Variants in TIPRL observed in about 807,000 individuals in gnomAD.
TIPRL encodes TOR signaling pathway regulator, also known as TIP41-like protein.
Under a neutral mutation model 32.3 loss-of-function variants are expected in TIPRL, and 10 were observed. That is an observed-to-expected ratio of 0.31 (90% CI 0.19 to 0.52). The LOEUF is 0.52. Ranked by LOEUF, TIPRL falls within the 20% of genes least tolerant of loss-of-function variation. The probability of loss-of-function intolerance (pLI) is 0.96; values close to 1 mark genes in which losing one functional copy is unlikely to be tolerated. For synonymous variants in TIPRL, 100 were observed against 114.0 expected (o/e 0.88, Z 0.78); for missense variants, 250 against 328.1 (o/e 0.76, Z 1.84).
At chr1:168,180,174 AAG>A (rs142067849) in intron 1 of TIPRL, among the ~76,000 whole-genome samples, 2,185 of 152,260 alleles carry the variant, frequency 0.014, 41 homozygotes, top group African/African-American at 0.05. Flanking sequence ...ACCAGTTAGT[AAG>A]AGAAAAGATA....
At chr1:168,199,045 T>A in intron 6 of TIPRL, 64 bp downstream of exon 6, 1 of 1,318,132 alleles carries the variant, frequency 7.6e-7, no homozygotes, top group Non-Finnish European at 1.1e-6. Context: ...TTAAGTAGCA[T>A]ATACCCCTGA....
rs564073915 is a variant in TIPRL at position 168,178,990 on chromosome 1, T to A, written c.-88T>A. The A allele has an allele frequency of 1.6e-6, 2 of 1,231,228 alleles. No individual in the cohort carries two copies. The allele number at this position is 1,231,228 out of a possible 1,614,324, so 76.3% of individuals were successfully genotyped here. A position where few individuals can be genotyped will look rare whatever the true frequency, so the allele number is the denominator to read the frequency against. Reference sequence around the variant, plus strand: ...GTAACGGCTCGGAAGCCTAGGAGGCTGGGCCGGAGGGAGGCGGAGGAACCG... The same window carrying A: ...GTAACGGCTCGGAAGCCTAGGAGGCAGGGCCGGAGGGAGGCGGAGGAACCG... On this transcript the variant is annotated 5_prime_UTR_variant, in exon 1 of 7. Coordinates refer to ENST00000367833, the MANE Select transcript of TIPRL (RefSeq NM_152902.5).
chr1:168,180,428 A>G (rs1376557289), intron 1 of TIPRL, among the ~76,000 whole-genome samples: 1 of 152,168 alleles, frequency 6.6e-6, no homozygotes, highest in Non-Finnish European at 1.5e-5. Context: ...TGTAGTAGGC[A>G]TTTAGATATA....
intron 4 of TIPRL, among the ~76,000 whole-genome samples, chr1:168,192,860 T>A (rs1700115529): frequency 9.1e-6 from 1 of 110,310 alleles, no homozygotes; most frequent in African/African-American, 6.4e-5. Flanking sequence ...CACTCCAGCC[T>A]GGGCAACAAG....
At chr1:168,188,221 A>G (rs534051651) in intron 3 of TIPRL, among the ~76,000 whole-genome samples, 4 of 152,246 alleles carry the variant, frequency 2.6e-5, no homozygotes, top group African/African-American at 7.2e-5. Context: ...CTAGGCTTCT[A>G]ATTTGCCTCT....
rs2102302770 is a variant in TIPRL, at chr1:168,178,971, G to T, written c.-107G>T. 1 of 1,004,086 alleles carries T rather than the reference G, an allele frequency of 1.0e-6. No homozygotes were observed. The allele number at this position is 1,004,086 out of a possible 1,614,324, so 62.2% of individuals were successfully genotyped here. On this transcript the variant is annotated 5_prime_UTR_variant, in exon 1 of 7. Coordinates refer to ENST00000367833, the MANE Select transcript of TIPRL (RefSeq NM_152902.5). ...GGGGGCGGGGCCGGGCATGGTAACG[G>T]CTCGGAAGCCTAGGAGGCTGGGCCG...
chr1:168,201,253 G>GA lies in TIPRL; in HGVS notation c.*1211dup, dbSNP rs906359867. The GA allele has an allele frequency of 1.5e-4, 23 of 152,156 alleles. No individual in the cohort carries two copies. The highest frequency in any genetic ancestry group is 5.5e-4 in the African/African-American group (23 of 41,536). 9.4% of individuals were successfully genotyped at this position (152,156 alleles called of 1,614,324 possible). A position where few individuals can be genotyped will look rare whatever the true frequency, so the allele number is the denominator to read the frequency against. ...AAAATATTTTTTTGAAGGGCAGGGG[G>GA]AAAATTCACCCCTTTTCTGATTTGA... On this transcript the variant is annotated 3_prime_UTR_variant, in exon 7 of 7. Transcript: ENST00000367833.
In TIPRL at chr1:168,200,953, A is replaced by G. The variant is rs1700202756; in HGVS notation, c.*907A>G. The G allele has an allele frequency of 6.6e-6, 1 of 152,146 alleles. No homozygotes were observed. Among genetic ancestry groups the G allele is most frequent in the South Asian group, 2.1e-4 (1 of 4,828 alleles). The allele number at this position is 152,146 out of a possible 1,614,324, so 9.4% of individuals were successfully genotyped here. Reference sequence around the variant, plus strand: ...GCTTAAAATATTTGGGAAGATAGGTAAGGAGGAGGGGGTTTTAAAATATAA... The same window carrying G: ...GCTTAAAATATTTGGGAAGATAGGTGAGGAGGAGGGGGTTTTAAAATATAA... On this transcript the variant is annotated 3_prime_UTR_variant, in exon 7 of 7. Coordinates refer to ENST00000367833, the MANE Select transcript of TIPRL (RefSeq NM_152902.5).
At position 168,201,238 on chromosome 1, in the gene TIPRL, T is replaced by G. The variant is rs1700204721; in HGVS notation, c.*1192T>G. 1 of 152,128 alleles carries G rather than the reference T, an allele frequency of 6.6e-6. No individual in the cohort carries two copies. Among genetic ancestry groups the G allele is most frequent in the Non-Finnish European group, 1.5e-5 (1 of 68,002 alleles). The allele number at this position is 152,128 out of a possible 1,614,324, so 9.4% of individuals were successfully genotyped here. On this transcript the variant is annotated 3_prime_UTR_variant, in exon 7 of 7. Transcript: ENST00000367833. ...TCAAGTGGATTTTTAAAAATATTTT[T>G]TTGAAGGGCAGGGGGAAAATTCACC...
chr1:168,199,569 C>T (rs896390572), intron 6 of TIPRL, among the ~76,000 whole-genome samples: 1 of 152,018 alleles, frequency 6.6e-6, no homozygotes, highest in African/African-American at 2.4e-5. Flanking sequence ...TACTTAGATT[C>T]TATTGTAGAC....
intron 4 of TIPRL, among the ~76,000 whole-genome samples, chr1:168,195,405 AC>A (rs1448688445): frequency 1.3e-5 from 2 of 152,078 alleles, no homozygotes; most frequent in Non-Finnish European, 2.9e-5. Flanking sequence ...CCTTGTGCAT[AC>A]CCATTATAGC....
At chr1:168,191,981 A>G (rs1700103661) in intron 4 of TIPRL, among the ~76,000 whole-genome samples, 1 of 151,668 alleles carries the variant, frequency 6.6e-6, no homozygotes, top group Non-Finnish European at 1.5e-5. Flanking sequence ...ATATTTGTGT[A>G]TTCTTAAGGC....
chr1:168,190,745 G>A (rs1282103473), intron 3 of TIPRL, among the ~76,000 whole-genome samples: 1 of 152,198 alleles, frequency 6.6e-6, no homozygotes, highest in Non-Finnish European at 1.5e-5. Context: ...CCTTGGGACT[G>A]TTGATGCTTT....
rs756815979 is a variant in TIPRL, at chr1:168,189,204, TC to T, written c.385-2163del. On this transcript the variant is annotated intron_variant, in intron 3 of 6. Coordinates refer to ENST00000367833, the MANE Select transcript of TIPRL (RefSeq NM_152902.5). Reference sequence around the variant, plus strand: ...ACTTACTTTTCTCGGCTCCAGTCTTTCCAGATCTCAGCCCAGTAACTCCATA... The same window carrying T: ...ACTTACTTTTCTCGGCTCCAGTCTTTCAGATCTCAGCCCAGTAACTCCATA... 1.2e-3 allele frequency among the ~76,000 whole-genome samples: 177 copies of T among 152,310 alleles called. 1 individual carries two copies. Among genetic ancestry groups the T allele is most frequent in the Non-Finnish European group, 2.4e-4 (16 of 68,020 alleles).
chr1:168,194,935 G>C (rs1411313275), intron 4 of TIPRL, among the ~76,000 whole-genome samples: 1 of 152,226 alleles, frequency 6.6e-6, no homozygotes, highest in Non-Finnish European at 1.5e-5. Flanking sequence ...TCGTAATGGA[G>C]TGCTATGAGA....
chr1:168,199,919 T>A lies in TIPRL; in HGVS notation c.692T>A (p.Leu231His), dbSNP rs1038788182. 1.2e-6 allele frequency: 2 copies of A among 1,612,962 alleles called. No individual in the cohort carries two copies. The highest frequency in any genetic ancestry group is 2.7e-5 in the African/African-American group (2 of 75,018). ...ISSLMHVPPS[L>H]FTEPNEISQY... ...ATTTCCTAGCATGTTCCACCTTCCC[T>A]CTTCACGGAACCTAATGAAATATCC... Residue 231 changes from leucine (L) to histidine (H), a missense_variant, in exon 7 of 7, where the codon CTC becomes CAC. By Grantham distance (99) the Leu-to-His change is moderately conservative. Coordinates refer to ENST00000367833, the MANE Select transcript of TIPRL (RefSeq NM_152902.5).
chr1:168,199,872 A>G (rs113010974), intron 6 of TIPRL, 31 bp from the exon 7 acceptor site: 1 of 1,596,950 alleles, frequency 6.3e-7, no homozygotes. Flanking sequence ...ACAGTAACTG[A>G]ATATGCTAAT....
At chr1:168,190,159 G>T (rs1700076917) in intron 3 of TIPRL, among the ~76,000 whole-genome samples, 1 of 152,082 alleles carries the variant, frequency 6.6e-6, no homozygotes, top group Non-Finnish European at 1.5e-5. Flanking sequence ...AATGTGTGAT[G>T]CAGGGGACTG....
intron 4 of TIPRL, among the ~76,000 whole-genome samples, chr1:168,191,816 G>A (rs1244649737): frequency 2.2e-5 from 3 of 139,444 alleles, no homozygotes; most frequent in African/African-American, 8.3e-5. Context: ...AGCTTGCAGT[G>A]AGCCAGGATC....
Sources: gnomAD v4.1 joint callset for allele counts (sites outside exome capture counted in the v4.1 genomes callset) on GRCh38, gnomAD v4.1.1 for gene constraint, MANE v1.5 for transcripts, NCBI Gene and HGNC (gene_info 2026-07-23, HGNC 2026-07-21) for gene names.